The following PLD5 variants were observed in gnomAD, a reference collection of about 807,000 sequenced individuals.
PLD5 encodes inactive phospholipase D5.
PLD5 carries 36 observed loss-of-function variants against 61.1 expected under a neutral mutation model. The observed-to-expected ratio is 0.59, with a 90% CI of 0.45 to 0.78. The LOEUF (loss-of-function observed/expected upper bound fraction) is 0.78, where lower values mean the gene tolerates loss of function less well. PLD5 is among the 30% of genes least tolerant of loss of function. PLD5 has a pLI of 0.00. For missense variants in PLD5, 515 were observed against 644.4 expected (o/e 0.80, Z 2.17); for synonymous variants, 243 against 242.8 (o/e 1.00, Z -0.01).
In PLD5 at chr1:242,085,707, A is replaced by G. The variant is rs187836455; in HGVS notation, c.*4147T>C. On this transcript the variant is annotated 3_prime_UTR_variant, in exon 10 of 10. Transcript: ENST00000536534. ...AAAGAATGAAACATTTGTCCACAAT[A>G]TATGGGGCTGTTCGTAAGGACTGAG... 7 of 152,346 alleles carry G rather than the reference A, an allele frequency of 4.6e-5. No individual in the cohort carries two copies. In the East Asian group the frequency reaches 1.2e-3, roughly 25 times the overall value. The allele number at this position is 152,346 out of a possible 1,614,324, so 9.4% of individuals were successfully genotyped here.
intron 1 of PLD5, among the ~76,000 whole-genome samples, chr1:242,496,755 C>T (rs958761551): frequency 6.6e-6 from 1 of 152,188 alleles, no homozygotes; most frequent in African/African-American, 2.4e-5. Context: ...TTCTAAGTGT[C>T]CCCTAATATC....
chr1:242,345,543 A>C, intron 2 of PLD5: 1 of 1,086,358 alleles, frequency 9.2e-7, no homozygotes. Context: ...AGCCAGGCAC[A>C]AAAGGCTCAC....
chr1:242,424,909 A>T (rs922616751), intron 1 of PLD5, among the ~76,000 whole-genome samples: 1 of 152,182 alleles, frequency 6.6e-6, no homozygotes, highest in African/African-American at 2.4e-5. Flanking sequence ...AGACGGGTAG[A>T]TCACCTGAGG....
chr1:242,380,742 G>A (rs1303454491), intron 1 of PLD5, among the ~76,000 whole-genome samples: 2 of 151,980 alleles, frequency 1.3e-5, no homozygotes, highest in East Asian at 3.9e-4. Flanking sequence ...AGTGGGCAAA[G>A]GGCATGAACA....
intron 5 of PLD5, among the ~76,000 whole-genome samples, chr1:242,183,687 A>G (rs1379504041): frequency 6.6e-6 from 1 of 152,184 alleles, no homozygotes; most frequent in Non-Finnish European, 1.5e-5. Flanking sequence ...TGAGGTCAGG[A>G]GATCCAGACC....
rs893603777 is a variant in PLD5, at chr1:242,211,266, C to G, written c.735+8722G>C. Among the ~76,000 whole-genome samples, 5 of 152,212 alleles carry G rather than the reference C, an allele frequency of 3.3e-5. No individual in the cohort carries two copies. In the South Asian group the frequency reaches 1.0e-3, roughly 32 times the overall value. On this transcript the variant is annotated intron_variant, in intron 5 of 9. Coordinates refer to ENST00000536534, the MANE Select transcript of PLD5 (RefSeq NM_001372062.1). ...ATACACACAAACCTTCTTGGAAGGCCGGAAGGTTTTGCAAAAGTTTCAGGA... is the reference window on the plus strand; with the variant it reads ...ATACACACAAACCTTCTTGGAAGGCGGGAAGGTTTTGCAAAAGTTTCAGGA...
chr1:242,389,674 A>G (rs1220800248), intron 1 of PLD5, among the ~76,000 whole-genome samples: 4 of 152,144 alleles, frequency 2.6e-5, no homozygotes, highest in Non-Finnish European at 4.4e-5. Flanking sequence ...ATAAAATGAT[A>G]TAAGAAAGGC....
chr1:242,250,462 C>A (rs1329352295), intron 4 of PLD5, among the ~76,000 whole-genome samples: 3 of 152,058 alleles, frequency 2.0e-5, no homozygotes, highest in African/African-American at 7.2e-5. Flanking sequence ...CCTGGGGAAA[C>A]CTTGATGAGA....
At chr1:242,375,267 C>T (rs1661880805) in intron 1 of PLD5, among the ~76,000 whole-genome samples, 1 of 152,194 alleles carries the variant, frequency 6.6e-6, no homozygotes, top group African/African-American at 2.4e-5. Flanking sequence ...ACTGTGCAGT[C>T]AGTCAGCCGT....
rs1209797290 is a variant in PLD5, at chr1:242,207,878, TTA to T, written c.735+12108_735+12109del. ...TATATATTTATATATTTATATATAT[TTA>T]TATATTTATATATATTTATATATTT... On this transcript the variant is annotated intron_variant, in intron 5 of 9. Transcript: ENST00000536534. Among the ~76,000 whole-genome samples the T allele has an allele frequency of 5.7e-3, 98 of 17,142 alleles. 28 individuals are homozygous for T. Among genetic ancestry groups the T allele is most frequent in the African/African-American group, 0.04 (93 of 2,304 alleles). The allele number at this position is 17,142 out of a possible 152,430, so 11.2% of individuals were successfully genotyped here.
chr1:242,148,317 C>T (rs1034255374), intron 5 of PLD5, among the ~76,000 whole-genome samples: 3 of 112,630 alleles, frequency 2.7e-5, no homozygotes, highest in African/African-American at 9.1e-5. Flanking sequence ...ATGTGTTGGT[C>T]TATTTCTGGA....
At chr1:242,093,457 A>C (rs1659992397) in intron 9 of PLD5, among the ~76,000 whole-genome samples, 1 of 152,196 alleles carries the variant, frequency 6.6e-6, no homozygotes, top group Non-Finnish European at 1.5e-5. Context: ...TCATCTCATT[A>C]CATTATTTCT....
chr1:242,273,670 C>T (rs1312546618), intron 3 of PLD5, among the ~76,000 whole-genome samples: 6 of 152,152 alleles, frequency 3.9e-5, no homozygotes, highest in Admixed American at 2.6e-4. Flanking sequence ...AGGGTCTTTG[C>T]AGACATTATT....
intron 5 of PLD5, among the ~76,000 whole-genome samples, chr1:242,180,925 G>T (rs1667476676): frequency 6.6e-6 from 1 of 152,158 alleles, no homozygotes; most frequent in African/African-American, 2.4e-5. Flanking sequence ...CAAGGCTGCA[G>T]TGAGCTGAGA....
At chr1:242,505,094 C>T (rs1207584396) in intron 1 of PLD5, among the ~76,000 whole-genome samples, 1 of 152,194 alleles carries the variant, frequency 6.6e-6, no homozygotes, top group East Asian at 1.9e-4. Flanking sequence ...GACGTGGAGG[C>T]TGCACTGAGC....
chr1:242,087,985 C>T lies in PLD5; in HGVS notation c.*1869G>A, dbSNP rs886569419. On this transcript the variant is annotated 3_prime_UTR_variant, in exon 10 of 10. Coordinates refer to ENST00000536534, the MANE Select transcript of PLD5 (RefSeq NM_001372062.1). ...TCAACTGGTTAAATATCTAGTGAAG[C>T]AATACTTGCAAATAACAAGAAGGGA... 6.6e-6 allele frequency: 1 copy of T among 152,142 alleles called. No individual in the cohort carries two copies. The highest frequency in any genetic ancestry group is 6.6e-5 in the Admixed American group (1 of 15,262). The allele number at this position is 152,142 out of a possible 1,614,324, so 9.4% of individuals were successfully genotyped here.
At chr1:242,175,850 T>G (rs1055586600) in intron 5 of PLD5, among the ~76,000 whole-genome samples, 2 of 152,126 alleles carry the variant, frequency 1.3e-5, no homozygotes, top group Non-Finnish European at 2.9e-5. Flanking sequence ...CCATTTGCAA[T>G]TGCTACTAAT....
In PLD5 at chr1:242,086,721, T is replaced by C. The variant is rs1299178883; in HGVS notation, c.*3133A>G. The stretch of plus-strand genomic sequence containing the variant: ...TCCACAGGAGAGAGAAGTGTTCTCA[T>C]AGAATAAGTCATTGTTTAAAATCAA... On this transcript the variant is annotated 3_prime_UTR_variant, in exon 10 of 10. Transcript: ENST00000536534. 5 of 152,234 alleles carry C rather than the reference T, an allele frequency of 3.3e-5. No individual in the cohort carries two copies. Among genetic ancestry groups the C allele is most frequent in the African/African-American group, 7.2e-5 (3 of 41,462 alleles). The allele number at this position is 152,234 out of a possible 1,614,324, so 9.4% of individuals were successfully genotyped here.
At chr1:242,351,440 C>A (rs10926695) in intron 1 of PLD5, among the ~76,000 whole-genome samples, 1 of 151,952 alleles carries the variant, frequency 6.6e-6, no homozygotes, top group Non-Finnish European at 1.5e-5. Flanking sequence ...TCATGGGGGT[C>A]GGTTTTTCCC....
Sources: allele counts gnomAD v4.1 joint callset (sites outside exome capture counted in the v4.1 genomes callset), GRCh38; gene constraint gnomAD v4.1.1; transcripts MANE v1.5; gene names NCBI Gene and HGNC (gene_info 2026-07-23, HGNC 2026-07-21).